MACROD2: variants seen among roughly 807,000 people sequenced by gnomAD.
MACROD2 encodes ADP-ribose glycohydrolase MACROD2.
Under a neutral mutation model 70.4 loss-of-function variants are expected in MACROD2, and 36 were observed. That is an observed-to-expected ratio of 0.51 (90% CI 0.39 to 0.68). The LOEUF (loss-of-function observed/expected upper bound fraction) is 0.68, where lower values mean the gene tolerates loss of function less well. Ranked by LOEUF, MACROD2 falls within the 30% of genes least tolerant of loss-of-function variation. The pLI, the probability that MACROD2 is intolerant of heterozygous loss-of-function variation, is 0.00. For missense variants in MACROD2, 496 were observed against 538.4 expected (o/e 0.92, Z 0.78); for synonymous variants, 172 against 178.8 (o/e 0.96, Z 0.30).
At chr20:15,249,989 C>A (rs990868054) in intron 6 of MACROD2, among the ~76,000 whole-genome samples, 1 of 152,212 alleles carries the variant, frequency 6.6e-6, no homozygotes, top group Non-Finnish European at 1.5e-5. Context: ...GTTGTTTAGA[C>A]TTATCTACTT....
chr20:14,050,916 G>A (rs1203466568), intron 2 of MACROD2, among the ~76,000 whole-genome samples: 2 of 152,148 alleles, frequency 1.3e-5, no homozygotes, highest in Non-Finnish European at 2.9e-5. Flanking sequence ...CATGGGGCAC[G>A]GAACCAGGTC....
At chr20:15,822,967 G>A (rs961697245) in intron 8 of MACROD2, among the ~76,000 whole-genome samples, 1 of 152,084 alleles carries the variant, frequency 6.6e-6, no homozygotes, top group Admixed American at 6.6e-5. Flanking sequence ...TGAACCAGCC[G>A]GCACGTTGGT....
At chr20:15,965,725 A>C (rs1037940076) in intron 12 of MACROD2, among the ~76,000 whole-genome samples, 1 of 151,826 alleles carries the variant, frequency 6.6e-6, no homozygotes, top group Non-Finnish European at 1.5e-5. Flanking sequence ...TTTTTTTTTC[A>C]ATTGACATCT....
chr20:15,658,674 G>A (rs73262519), intron 8 of MACROD2, among the ~76,000 whole-genome samples: 2,619 of 152,252 alleles, frequency 0.017, 79 homozygotes, highest in African/African-American at 0.06. Context: ...AGCCCCCTAC[G>A]GGCTTATTTA....
chr20:15,926,694 G>A (rs1020296814), intron 10 of MACROD2, among the ~76,000 whole-genome samples: 3 of 152,130 alleles, frequency 2.0e-5, no homozygotes, highest in African/African-American at 7.2e-5. Flanking sequence ...TCCAGGTGGA[G>A]GGGTCAGGCA....
intron 5 of MACROD2, among the ~76,000 whole-genome samples, chr20:14,757,108 C>T (rs1408773670): frequency 6.6e-6 from 1 of 151,996 alleles, no homozygotes; most frequent in Admixed American, 6.6e-5. Flanking sequence ...ATGTTTATTG[C>T]AAAAGATGAC....
intron 2 of MACROD2, among the ~76,000 whole-genome samples, chr20:14,035,141 T>A (rs2053292395): frequency 6.6e-6 from 1 of 152,196 alleles, no homozygotes; most frequent in Admixed American, 6.5e-5. Context: ...TCTTGGACTT[T>A]ATAGGTAGAT....
At chr20:14,462,947 A>G (rs1329193765) in intron 3 of MACROD2, among the ~76,000 whole-genome samples, 1 of 152,030 alleles carries the variant, frequency 6.6e-6, no homozygotes, top group Non-Finnish European at 1.5e-5. Flanking sequence ...GCCTTGTAGT[A>G]TAGTTTGAAG....
At chr20:14,237,339 T>TATATTATCATCTCC (rs1323976129) in intron 3 of MACROD2, among the ~76,000 whole-genome samples, 1 of 152,032 alleles carries the variant, frequency 6.6e-6, no homozygotes, top group Non-Finnish European at 1.5e-5. Context: ...ATACTTTGTA[T>TATATTATCATCTCC]ATATTATCAT....
chr20:14,440,985 A>G (rs1340595687), intron 3 of MACROD2, among the ~76,000 whole-genome samples: 1 of 152,178 alleles, frequency 6.6e-6, no homozygotes, highest in East Asian at 1.9e-4. Context: ...ATACCTTTGG[A>G]CAGGACACAA....
At chr20:15,520,136 A>G (rs1235672112) in intron 8 of MACROD2, among the ~76,000 whole-genome samples, 1 of 152,210 alleles carries the variant, frequency 6.6e-6, no homozygotes, top group Admixed American at 6.5e-5. Context: ...AAATAGGTAA[A>G]TGTTTCTTTA....
intron 9 of MACROD2, among the ~76,000 whole-genome samples, chr20:15,868,646 A>C (rs2064529032): frequency 6.7e-6 from 1 of 148,544 alleles, no homozygotes; most frequent in Non-Finnish European, 1.5e-5. Flanking sequence ...TTGGTTGATA[A>C]ACTTACCTTG....
At position 15,758,188 on chromosome 20, in the gene MACROD2, G is replaced by A. The variant is rs778307311; in HGVS notation, c.646-104557G>A. The stretch of plus-strand genomic sequence containing the variant: ...AATTACCAACAGCTCATTTCTATAT[G>A]ATAAGGGTGTCTCAGAAAGACATTT... On this transcript the variant is annotated intron_variant, in intron 8 of 17. Transcript: ENST00000684519. Among the ~76,000 whole-genome samples, 69 of 150,844 alleles carry A rather than the reference G, an allele frequency of 4.6e-4. 1 individual carries two copies. The Middle Eastern group carries it at 0.011, about 23-fold the overall frequency.
chr20:14,044,958 C>G (rs1295663311), intron 2 of MACROD2, among the ~76,000 whole-genome samples: 2 of 152,238 alleles, frequency 1.3e-5, no homozygotes, highest in Admixed American at 6.5e-5. Context: ...GCTGCAGGTC[C>G]CAAGCCCTGC....
chr20:15,975,908 A>G (rs888201945), intron 13 of MACROD2, among the ~76,000 whole-genome samples: 1 of 152,208 alleles, frequency 6.6e-6, no homozygotes, highest in African/African-American at 2.4e-5. Flanking sequence ...TCAAATTCAC[A>G]CTAATCTAGG....
intron 4 of MACROD2, among the ~76,000 whole-genome samples, chr20:14,559,276 T>C (rs997504758): frequency 6.6e-6 from 1 of 151,782 alleles, no homozygotes; most frequent in Non-Finnish European, 1.5e-5. Context: ...GGATGTATGT[T>C]AAACATTTTA....
chr20:14,738,148 G>T (rs1387796396), intron 5 of MACROD2, among the ~76,000 whole-genome samples: 1 of 149,520 alleles, frequency 6.7e-6, no homozygotes, highest in Non-Finnish European at 1.5e-5. Context: ...GTTGGTTTTT[G>T]GAATTTTAGG....
intron 3 of MACROD2, among the ~76,000 whole-genome samples, chr20:14,306,924 A>G (rs373409977): frequency 6.6e-6 from 1 of 152,030 alleles, no homozygotes; most frequent in East Asian, 1.9e-4. Flanking sequence ...ATACCAAACC[A>G]TAGTTGGACT....
chr20:14,991,276 T>C (rs1429976118), intron 5 of MACROD2, among the ~76,000 whole-genome samples: 1 of 152,018 alleles, frequency 6.6e-6, no homozygotes, highest in Non-Finnish European at 1.5e-5. Flanking sequence ...GTGAACCCAC[T>C]CATACCATAA....
Sources: gnomAD v4.1 joint callset for allele counts (sites outside exome capture counted in the v4.1 genomes callset) on GRCh38, gnomAD v4.1.1 for gene constraint, MANE v1.5 for transcripts, NCBI Gene and HGNC (gene_info 2026-07-23, HGNC 2026-07-21) for gene names.